Variants in FUS observed in about 807,000 individuals in gnomAD.
The protein encoded by FUS is FUS RNA binding protein, also known as RNA-binding protein FUS.
In FUS, 5 loss-of-function variants were observed where a neutral mutation model predicts 82.7. The ratio of observed to expected loss-of-function variants is 0.06; its 90% CI spans 0.03 to 0.13. FUS has a LOEUF of 0.13. FUS is among the 10% of genes least tolerant of loss of function. FUS has a pLI of 1.00. For synonymous variants in FUS, 281 were observed against 247.4 expected, an observed-to-expected ratio of 1.14 and a Z score of -1.27; for missense variants, 512 against 707.8, an observed-to-expected ratio of 0.72 and a Z score of 3.14.
chr16:31,180,883 G>C lies in FUS; in HGVS notation c.13+656G>C, dbSNP rs868437304. Among the ~76,000 whole-genome samples, 57 of 152,208 alleles carry C rather than the reference G, an allele frequency of 3.7e-4. 1 individual carries two copies. Among genetic ancestry groups the C allele is most frequent in the Middle Eastern group, 3.4e-3 (1 of 294 alleles). The stretch of plus-strand genomic sequence containing the variant: ...TCAGGGTTCGACCAACGGACTTGGG[G>C]ACGGCCCGAGAGTTTTTCCCGCCTA... On this transcript the variant is annotated intron_variant, in intron 1 of 14. Transcript: ENST00000254108.
intron 1 of FUS, among the ~76,000 whole-genome samples, chr16:31,180,824 GC>G (rs1425120091): frequency 6.6e-6 from 1 of 152,204 alleles, no homozygotes; most frequent in East Asian, 1.9e-4. Flanking sequence ...CGGGATCGGG[GC>G]CGCCCTCTAG....
At chr16:31,194,486 T>C, downstream of FUS, 1 of 500,118 alleles carries the variant, frequency 2.0e-6, no homozygotes, top group Non-Finnish European at 3.9e-6. Flanking sequence ...TTTGTGGAGA[T>C]GGGGTCTTGC....
downstream of FUS, chr16:31,194,672 A>T (rs1261813446): frequency 2.1e-6 from 1 of 487,742 alleles, no homozygotes; most frequent in Admixed American, 2.3e-5. Flanking sequence ...CTGTACATGT[A>T]CACATTGTGG....
chr16:31,181,930 A>G (rs2079185376), intron 1 of FUS, among the ~76,000 whole-genome samples: 1 of 152,158 alleles, frequency 6.6e-6, no homozygotes, highest in Non-Finnish European at 1.5e-5. Flanking sequence ...CTTGGCTGAT[A>G]ACGCCAGTTT....
chr16:31,192,405 TTTTTA>T (rs1206257226), downstream of FUS: 1 of 522,990 alleles, frequency 1.9e-6, no homozygotes, highest in Admixed American at 2.2e-5. Context: ...TTTAGCATGC[TTTTTA>T]TTTTAGTTAC....
At chr16:31,188,666 C>A (rs930221274) in intron 8 of FUS, 3 of 512,600 alleles carry the variant, frequency 5.9e-6, no homozygotes, top group African/African-American at 3.8e-5. Context: ...GTGGTTCTTT[C>A]AAAATGTGGA....
intron 7 of FUS, chr16:31,187,990 GTTGGT>G (rs1596904453): frequency 2.5e-6 from 1 of 399,500 alleles, no homozygotes; most frequent in East Asian, 4.3e-5. Flanking sequence ...GCCAAGCTGA[GTTGGT>G]TTGTTCACTT....
chr16:31,186,588 T>A (rs1239177434), intron 6 of FUS: 2 of 600,056 alleles, frequency 3.3e-6, no homozygotes, highest in Non-Finnish European at 3.0e-6. Context: ...TAAAGCAAAA[T>A]CTTTATAAAC....
Position 31,187,796 on chromosome 16 carries a change from A to G in FUS, c.800-529A>G, listed in dbSNP as rs1013876173. ...TTAAAAAATACAATAGCTATTATGT[A>G]TGGTTTTTATTTTCATGTGGTTTCG... On this transcript the variant is annotated intron_variant, in intron 7 of 14. Transcript: ENST00000254108. 10 of 240,404 alleles carry G rather than the reference A, an allele frequency of 4.2e-5. No individual in the cohort carries two copies. In the Admixed American group the frequency reaches 5.2e-4, roughly 13 times the overall value. 14.9% of individuals were successfully genotyped at this position (240,404 alleles called of 1,614,324 possible).
At chr16:31,194,543 T>A (rs183045547), downstream of FUS, 5 of 499,936 alleles carry the variant, frequency 1.0e-5, no homozygotes, top group Admixed American at 1.1e-4. Flanking sequence ...TGGGCTCAAG[T>A]GATTGTCCCA....
intron 5 of FUS, 78 bp from the exon 6 acceptor site, chr16:31,184,861 C>A: frequency 6.8e-7 from 1 of 1,478,286 alleles, no homozygotes; most frequent in Non-Finnish European, 9.4e-7. Flanking sequence ...TGGCACTTGT[C>A]AAACCTTTTC....
At chr16:31,192,786 G>A (rs1191740596), downstream of FUS, 1 of 480,686 alleles carries the variant, frequency 2.1e-6, no homozygotes, top group South Asian at 1.5e-5. Context: ...GGCCAGGCTG[G>A]TCTCTTAACT....
At position 31,190,342 on chromosome 16, in the gene FUS, T is replaced by C; in HGVS notation, c.1236T>C (p.Ser412=). ...GTGGTGGCCGAGGAGGATTTCCCAG[T>C]GGAGGTGGTGGCGGTGGAGGACAGC... ...SGGGGRGGFP[S]GGGGGGGQQR... Residue 412 remains serine, a synonymous_variant, in exon 12 of 15, where the codon AGT becomes AGC. Transcript: ENST00000254108. 6.2e-7 allele frequency: 1 copy of C among 1,613,968 alleles called. No individual in the cohort carries two copies. Among genetic ancestry groups the C allele is most frequent in the Non-Finnish European group, 8.5e-7 (1 of 1,179,986 alleles).
chr16:31,181,627 G>C (rs1343982218), intron 1 of FUS, among the ~76,000 whole-genome samples: 1 of 152,132 alleles, frequency 6.6e-6, no homozygotes, highest in Non-Finnish European at 1.5e-5. Flanking sequence ...CTTATTCTGT[G>C]GGTCTGGGCT....
intron 1 of FUS, among the ~76,000 whole-genome samples, chr16:31,180,810 G>C (rs2058046967): frequency 6.6e-6 from 1 of 152,232 alleles, no homozygotes; most frequent in African/African-American, 2.4e-5. Context: ...TGGGGGCGGA[G>C]GCTCGGGATC....
At chr16:31,193,727 C>T (rs1596919649), downstream of FUS, 1 of 531,938 alleles carries the variant, frequency 1.9e-6, no homozygotes, top group South Asian at 1.5e-5. Flanking sequence ...ACATTGGTGC[C>T]TCTCAAGCCA....
chr16:31,180,738 C>T (rs771352567), intron 1 of FUS, among the ~76,000 whole-genome samples: 5 of 152,172 alleles, frequency 3.3e-5, no homozygotes, highest in South Asian at 2.1e-4. Flanking sequence ...TGAGCCTTGT[C>T]CCTCAGTGGT....
In FUS at chr16:31,191,577, T is replaced by A. The variant is rs781067585; in HGVS notation, c.*139T>A. Reference sequence around the variant, plus strand: ...ATGTAATTGTAACTATACCTCTGGTTCCCATTAAAAGTGACCATTTTAGTT... The same window carrying A: ...ATGTAATTGTAACTATACCTCTGGTACCCATTAAAAGTGACCATTTTAGTT... On this transcript the variant is annotated 3_prime_UTR_variant, in exon 15 of 15. Coordinates refer to ENST00000254108, the MANE Select transcript of FUS (RefSeq NM_004960.4). The A allele has an allele frequency of 1.1e-6, 1 of 944,980 alleles. No homozygotes were observed. Among genetic ancestry groups the A allele is most frequent in the African/African-American group, 1.6e-5 (1 of 61,484 alleles). 58.5% of individuals were successfully genotyped at this position (944,980 alleles called of 1,614,324 possible). A position where few individuals can be genotyped will look rare whatever the true frequency, so the allele number is the denominator to read the frequency against.
At chr16:31,185,436 A>G in intron 6 of FUS, 2 of 659,058 alleles carry the variant, frequency 3.0e-6, no homozygotes, top group East Asian at 2.8e-5. Context: ...AAAAGAAACC[A>G]TACATAGATA....
Sources: gnomAD v4.1 joint callset for allele counts (sites outside exome capture counted in the v4.1 genomes callset) on GRCh38, gnomAD v4.1.1 for gene constraint, MANE v1.5 for transcripts, NCBI Gene and HGNC (gene_info 2026-07-23, HGNC 2026-07-21) for gene names.